ASCC3: variants seen among roughly 807,000 people sequenced by gnomAD.
ASCC3 encodes the protein ASC-1 complex subunit P200.
A neutral mutation model predicts 256.3 loss-of-function variants in ASCC3; 158 were observed. That is an observed-to-expected ratio of 0.62 (90% CI 0.54 to 0.70). The LOEUF is 0.70. ASCC3 is among the 30% of genes least tolerant of loss of function. ASCC3 has a pLI of 0.00. For missense variants in ASCC3, 2,259 were observed against 2,626.0 expected (o/e 0.86, Z 3.05); for synonymous variants, 948 against 883.4 (o/e 1.07, Z -1.30).
chr6:100,718,831 A>G (rs367879364), intron 11 of ASCC3, among the ~76,000 whole-genome samples: 24 of 152,296 alleles, frequency 1.6e-4, no homozygotes, highest in East Asian at 1.4e-3. Flanking sequence ...AAACTCAGTA[A>G]ATTCCAAAAA....
chr6:100,810,952 C>A (rs772108174), intron 4 of ASCC3, among the ~76,000 whole-genome samples: 6 of 152,218 alleles, frequency 3.9e-5, no homozygotes, highest in Non-Finnish European at 8.8e-5. Context: ...ACAAGATCCA[C>A]GTTTAATCCT....
At position 100,869,961 on chromosome 6, in the gene ASCC3, A is replaced by G. The variant is rs564176927; in HGVS notation, c.-41-1923T>C. ...AGATAAAGCTCACTAAGAAGACTTA[A>G]AAGTTCTGAATTTGTATGCACTGCT... On this transcript the variant is annotated intron_variant, in intron 1 of 41. Coordinates refer to ENST00000369162, the MANE Select transcript of ASCC3 (RefSeq NM_006828.4). Among the ~76,000 whole-genome samples, 167 of 152,344 alleles carry G rather than the reference A, an allele frequency of 1.1e-3. 1 individual carries two copies. The highest frequency in any genetic ancestry group is 1.9e-3 in the Non-Finnish European group (129 of 68,036).
chr6:100,512,101 T>C (rs1266180652), intron 40 of ASCC3, among the ~76,000 whole-genome samples: 1 of 152,192 alleles, frequency 6.6e-6, no homozygotes, highest in Non-Finnish European at 1.5e-5. Context: ...AAAATAAAAA[T>C]ACTGTACATT....
At chr6:100,579,610 A>G (rs542510310) in intron 36 of ASCC3, among the ~76,000 whole-genome samples, 1 of 151,330 alleles carries the variant, frequency 6.6e-6, no homozygotes, top group African/African-American at 2.4e-5. Flanking sequence ...TCTTTTTCCC[A>G]TTTTTTTTGG....
At chr6:100,540,104 A>T in intron 37 of ASCC3, 59 bp downstream of exon 37, 1 of 1,482,094 alleles carries the variant, frequency 6.7e-7, no homozygotes, top group Non-Finnish European at 9.4e-7. Flanking sequence ...AAAACTAGAA[A>T]AAAGAGGGCA....
intron 30 of ASCC3, among the ~76,000 whole-genome samples, chr6:100,608,731 TTATATATATATATATATATATATATA>T (rs1169558095): frequency 1.1e-3 from 3 of 2,710 alleles, no homozygotes; most frequent in Non-Finnish European, 2.2e-3. Context: ...TATATATACT[TTATATATATATATATATATATATATA>T]TATATATATA....
chr6:100,756,153 G>A (rs576108173), intron 10 of ASCC3, among the ~76,000 whole-genome samples: 1 of 151,212 alleles, frequency 6.6e-6, no homozygotes, highest in Admixed American at 6.6e-5. Context: ...TTGAGTGAAT[G>A]TTTATTTTCA....
At chr6:100,876,950 T>TTA (rs1435958630) in intron 1 of ASCC3, among the ~76,000 whole-genome samples, 1 of 152,170 alleles carries the variant, frequency 6.6e-6, no homozygotes, top group Non-Finnish European at 1.5e-5. Flanking sequence ...GGTAGCATAT[T>TTA]TCCTTTTGCA....
intron 8 of ASCC3, among the ~76,000 whole-genome samples, chr6:100,772,437 A>C (rs796904717): frequency 1.4e-4 from 21 of 152,340 alleles, no homozygotes; most frequent in African/African-American, 5.0e-4. Flanking sequence ...TGGATAAACA[A>C]AATGTTATAT....
chr6:100,692,685 G>C (rs1777895375), intron 13 of ASCC3, among the ~76,000 whole-genome samples: 1 of 151,984 alleles, frequency 6.6e-6, no homozygotes, highest in African/African-American at 2.4e-5. Context: ...AAATGAAGAT[G>C]TCAGTTTTGT....
intron 27 of ASCC3, among the ~76,000 whole-genome samples, 198 bp from the exon 28 acceptor site, chr6:100,628,185 A>T (rs1413048233): frequency 1.3e-5 from 2 of 152,046 alleles, no homozygotes; most frequent in Non-Finnish European, 2.9e-5. Context: ...TGCTGAATTA[A>T]AAAAAACTGA....
In ASCC3 at chr6:100,866,583, G is replaced by A. The variant is rs57021583; in HGVS notation, c.90+1325C>T. 2.7e-3 allele frequency among the ~76,000 whole-genome samples: 405 copies of A among 152,256 alleles called. 2 individuals carry two copies. Among genetic ancestry groups the A allele is most frequent in the African/African-American group, 8.6e-3 (356 of 41,560 alleles). ...ATCTTTGAAAATCGGGCCTTAAAGG[G>A]GGTGATTAAGTTAAAGCCCTTAGAG... On this transcript the variant is annotated intron_variant, in intron 2 of 41. Transcript: ENST00000369162.
In ASCC3 at chr6:100,753,049, G is replaced by C. The variant is rs182784079; in HGVS notation, c.1737+13516C>G. 8.5e-5 allele frequency among the ~76,000 whole-genome samples: 13 copies of C among 152,094 alleles called. No homozygotes were observed. The East Asian group carries it at 2.5e-3, about 29-fold the overall frequency. ...GAAGGGATTTCTAAAGCCAGGAGCAGGGCCAAATTATATGGCTCTAACCTG... is the reference window on the plus strand; with the variant it reads ...GAAGGGATTTCTAAAGCCAGGAGCACGGCCAAATTATATGGCTCTAACCTG... On this transcript the variant is annotated intron_variant, in intron 10 of 41. Transcript: ENST00000369162.
At chr6:100,654,509 C>G (rs1582640773) in intron 17 of ASCC3, among the ~76,000 whole-genome samples, 1 of 151,996 alleles carries the variant, frequency 6.6e-6, no homozygotes, top group Non-Finnish European at 1.5e-5. Context: ...TTTACTCCTT[C>G]AAAACATTTT....
intron 10 of ASCC3, among the ~76,000 whole-genome samples, chr6:100,764,861 G>A (rs543956394): frequency 3.3e-5 from 5 of 152,084 alleles, no homozygotes; most frequent in Admixed American, 1.3e-4. Context: ...TAAACATTCA[G>A]CCCATATGTG....
intron 14 of ASCC3, among the ~76,000 whole-genome samples, chr6:100,663,924 G>A (rs1776349098): frequency 1.3e-5 from 2 of 152,114 alleles, no homozygotes; most frequent in Admixed American, 1.3e-4. Flanking sequence ...TATACCCCAT[G>A]GATAAGGGGG....
At chr6:100,720,487 T>C (rs1488238253) in intron 11 of ASCC3, among the ~76,000 whole-genome samples, 1 of 151,824 alleles carries the variant, frequency 6.6e-6, no homozygotes. Context: ...AATCCTTATC[T>C]CACAACCAAC....
At chr6:100,546,115 C>T (rs1432398969) in intron 36 of ASCC3, among the ~76,000 whole-genome samples, 1 of 151,750 alleles carries the variant, frequency 6.6e-6, no homozygotes, top group African/African-American at 2.4e-5. Flanking sequence ...ATATTTGGAA[C>T]CAACAATCAG....
intron 17 of ASCC3, among the ~76,000 whole-genome samples, chr6:100,653,621 G>A (rs1775777567): frequency 6.6e-6 from 1 of 151,020 alleles, no homozygotes; most frequent in Admixed American, 6.6e-5. Context: ...CTGGGCGACA[G>A]AGCGAGGCTG....
Sources: allele counts gnomAD v4.1 joint callset (sites outside exome capture counted in the v4.1 genomes callset), GRCh38; gene constraint gnomAD v4.1.1; transcripts MANE v1.5; gene names NCBI Gene and HGNC (gene_info 2026-07-23, HGNC 2026-07-21).